Variants in MACROD2 observed in about 807,000 individuals in gnomAD.
The protein encoded by MACROD2 is mono-ADP ribosylhydrolase 2, also known as ADP-ribose glycohydrolase MACROD2.
A neutral mutation model predicts 70.4 loss-of-function variants in MACROD2; 36 were observed. The ratio of observed to expected loss-of-function variants is 0.51; its 90% CI spans 0.39 to 0.68. The LOEUF (loss-of-function observed/expected upper bound fraction) is 0.68, where lower values mean the gene tolerates loss of function less well. MACROD2 is among the 30% of genes least tolerant of loss of function. The pLI is 0.00. For missense variants in MACROD2, 496 were observed against 538.4 expected, an observed-to-expected ratio of 0.92 and a Z score of 0.78; for synonymous variants, 172 against 178.8, an observed-to-expected ratio of 0.96 and a Z score of 0.30.
intron 6 of MACROD2, among the ~76,000 whole-genome samples, chr20:15,340,651 A>G (rs1253312754): frequency 6.6e-6 from 1 of 152,106 alleles, no homozygotes. Flanking sequence ...CCAGCTTACT[A>G]TGGAACACAC....
intron 6 of MACROD2, among the ~76,000 whole-genome samples, chr20:15,236,007 G>A (rs1320163212): frequency 1.3e-5 from 2 of 152,168 alleles, no homozygotes; most frequent in Admixed American, 6.5e-5. Context: ...TCTAACAGCT[G>A]TGTGACTAAC....
At chr20:15,726,944 T>C (rs1445715491) in intron 8 of MACROD2, among the ~76,000 whole-genome samples, 1 of 152,180 alleles carries the variant, frequency 6.6e-6, no homozygotes, top group Non-Finnish European at 1.5e-5. Context: ...TTAGGTCCCA[T>C]TTGTCAACTT....
Position 14,862,708 on chromosome 20 carries a change from T to TAAAA in MACROD2, c.418+177750_418+177751insAAAA, listed in dbSNP as rs1443606720. ...ATATATAAATATATATAAATATATA[T>TAAAA]ATATATATTTTTTTTTAATAGAGAG... On this transcript the variant is annotated intron_variant, in intron 5 of 17. Coordinates refer to ENST00000684519, the MANE Select transcript of MACROD2 (RefSeq NM_001351661.2). Among the ~76,000 whole-genome samples the TAAAA allele has an allele frequency of 9.8e-4, 89 of 91,270 alleles. 11 individuals carry two copies. Among genetic ancestry groups the TAAAA allele is most frequent in the African/African-American group, 4.2e-3 (86 of 20,490 alleles). 59.9% of individuals were successfully genotyped at this position (91,270 alleles called of 152,430 possible).
chr20:15,755,764 C>T (rs918162569), intron 8 of MACROD2, among the ~76,000 whole-genome samples: 3 of 152,170 alleles, frequency 2.0e-5, no homozygotes, highest in Admixed American at 2.0e-4. Context: ...CATGAAAGCC[C>T]TTCAAGAGCA....
chr20:15,346,538 T>TG (rs2078168423), intron 6 of MACROD2, among the ~76,000 whole-genome samples: 1 of 152,158 alleles, frequency 6.6e-6, no homozygotes, highest in African/African-American at 2.4e-5. Context: ...TTCATAGAGC[T>TG]GGCTGGGCTG....
intron 7 of MACROD2, among the ~76,000 whole-genome samples, chr20:15,454,850 C>T (rs1434807457): frequency 1.3e-5 from 2 of 152,112 alleles, no homozygotes; most frequent in African/African-American, 4.8e-5. Context: ...AACTGTGGAG[C>T]TGACCTAGCT....
intron 8 of MACROD2, among the ~76,000 whole-genome samples, chr20:15,502,777 C>G (rs1568853005): frequency 6.6e-6 from 1 of 152,172 alleles, no homozygotes; most frequent in Non-Finnish European, 1.5e-5. Flanking sequence ...CAGTTACAAA[C>G]TACCCCCAAA....
At chr20:16,001,763 A>G (rs551206387) in intron 15 of MACROD2, among the ~76,000 whole-genome samples, 1 of 152,292 alleles carries the variant, frequency 6.6e-6, no homozygotes, top group South Asian at 2.1e-4. Context: ...TTTGTTTCAT[A>G]TACTTACAAA....
intron 3 of MACROD2, among the ~76,000 whole-genome samples, chr20:14,174,625 C>T (rs11699106): frequency 0.016 from 2,427 of 152,322 alleles, 25 homozygotes; most frequent in Non-Finnish European, 0.027. Context: ...AAGTTTCATG[C>T]CTCCCCACCT....
intron 4 of MACROD2, among the ~76,000 whole-genome samples, chr20:14,498,766 A>T (rs1185061263): frequency 6.6e-6 from 1 of 152,206 alleles, no homozygotes; most frequent in African/African-American, 2.4e-5. Flanking sequence ...TTAAGAGGGA[A>T]TGATTTCATA....
intron 6 of MACROD2, among the ~76,000 whole-genome samples, chr20:15,306,405 A>G (rs577742183): frequency 6.6e-6 from 1 of 152,326 alleles, no homozygotes; most frequent in South Asian, 2.1e-4. Context: ...CTTTACATAC[A>G]TTATCCCATT....
chr20:14,723,747 T>C (rs1269876170), intron 5 of MACROD2, among the ~76,000 whole-genome samples: 1 of 152,012 alleles, frequency 6.6e-6, no homozygotes, highest in Non-Finnish European at 1.5e-5. Context: ...AAATTATGTA[T>C]CTGGTCATAT....
chr20:16,025,112 G>T (rs7352926), intron 15 of MACROD2, among the ~76,000 whole-genome samples: 1 of 152,160 alleles, frequency 6.6e-6, no homozygotes, highest in Admixed American at 6.5e-5. Flanking sequence ...AGGTGTCTTT[G>T]CCTGAAAGGA....
At chr20:16,003,865 T>A (rs2066749716) in intron 15 of MACROD2, among the ~76,000 whole-genome samples, 1 of 152,110 alleles carries the variant, frequency 6.6e-6, no homozygotes, top group African/African-American at 2.4e-5. Context: ...GAGACAGGGT[T>A]TCACCATGTT....
Position 14,890,536 on chromosome 20 carries a change from G to T in MACROD2, c.418+205577G>T, listed in dbSNP as rs1194029359. On this transcript the variant is annotated intron_variant, in intron 5 of 17. Coordinates refer to ENST00000684519, the MANE Select transcript of MACROD2 (RefSeq NM_001351661.2). ...TAATTCCAGCAATTTGGAAGAACAA[G>T]ATAGGAGAATCTCTTGAGGCCAGTA... Among the ~76,000 whole-genome samples the T allele has an allele frequency of 1.3e-5, 2 of 152,084 alleles. 1 individual carries two copies. The highest frequency in any genetic ancestry group is 2.9e-5 in the Non-Finnish European group (2 of 68,014).
intron 3 of MACROD2, among the ~76,000 whole-genome samples, chr20:14,275,791 A>G (rs1265206492): frequency 1.3e-5 from 2 of 149,292 alleles, no homozygotes; most frequent in Non-Finnish European, 3.0e-5. Flanking sequence ...ACAAGAAAAA[A>G]ACAACCCCAT....
chr20:15,123,540 G>A (rs1461219351), intron 5 of MACROD2, among the ~76,000 whole-genome samples: 1 of 152,006 alleles, frequency 6.6e-6, no homozygotes, highest in Admixed American at 6.6e-5. Flanking sequence ...TTTTTGTATT[G>A]ATTGCATGTT....
chr20:15,875,777 C>T (rs1321882212), intron 9 of MACROD2, among the ~76,000 whole-genome samples: 3 of 151,890 alleles, frequency 2.0e-5, no homozygotes, highest in Non-Finnish European at 4.4e-5. Flanking sequence ...TCTGGTAAAA[C>T]AGACACAACT....
chr20:14,422,271 C>T (rs2083883760), intron 3 of MACROD2, among the ~76,000 whole-genome samples: 1 of 152,142 alleles, frequency 6.6e-6, no homozygotes, highest in South Asian at 2.1e-4. Context: ...CACCTATCAG[C>T]CTGTTTCCAT....
Sources: allele counts gnomAD v4.1 joint callset (sites outside exome capture counted in the v4.1 genomes callset), GRCh38; gene constraint gnomAD v4.1.1; transcripts MANE v1.5; gene names NCBI Gene and HGNC (gene_info 2026-07-23, HGNC 2026-07-21).